KLRD1: variants seen among roughly 807,000 people sequenced by gnomAD.
The protein encoded by KLRD1 is killer cell lectin like receptor D1, also known as natural killer cells antigen CD94.
Under a neutral mutation model 22.6 loss-of-function variants are expected in KLRD1, and 21 were observed. The observed-to-expected ratio is 0.93, with a 90% confidence interval of 0.66 to 1.34. The LOEUF is 1.34. KLRD1 is among the 40% of genes most tolerant of loss of function. KLRD1 has a pLI of 0.00. For missense variants in KLRD1, 183 were observed against 208.6 expected (o/e 0.88, Z 0.76); for synonymous variants, 59 against 71.1 (o/e 0.83, Z 0.85).
chr12:10,253,776 C>T (rs553640039), intron 1 of KLRD1, among the ~76,000 whole-genome samples: 12 of 152,110 alleles, frequency 7.9e-5, no homozygotes, highest in Non-Finnish European at 1.8e-4. Flanking sequence ...GCACAGTATT[C>T]CATGGTGTAT....
At chr12:10,275,098 C>G (rs1317823112) in intron 1 of KLRD1, among the ~76,000 whole-genome samples, 1 of 152,196 alleles carries the variant, frequency 6.6e-6, no homozygotes, top group Non-Finnish European at 1.5e-5. Context: ...CCATGTTGGT[C>G]AGGCTGGTCT....
chr12:10,255,862 G>C (rs1949390616), intron 1 of KLRD1, among the ~76,000 whole-genome samples: 2 of 152,040 alleles, frequency 1.3e-5, no homozygotes, highest in African/African-American at 4.8e-5. Context: ...CCATAGTGTT[G>C]CTCAAGTCCT....
At chr12:10,267,688 A>AG (rs1378120858) in intron 1 of KLRD1, among the ~76,000 whole-genome samples, 1 of 152,220 alleles carries the variant, frequency 6.6e-6, no homozygotes, top group Admixed American at 6.5e-5. Context: ...GAATGAAAGA[A>AG]GAGGAGTCTG....
chr12:10,247,915 A>G (rs1949307393), intron 1 of KLRD1, among the ~76,000 whole-genome samples: 1 of 152,164 alleles, frequency 6.6e-6, no homozygotes, highest in Admixed American at 6.5e-5. Context: ...TCTTTCCTTT[A>G]CAAATTACCC....
At chr12:10,259,108 T>A (rs1420240246) in intron 1 of KLRD1, among the ~76,000 whole-genome samples, 1 of 152,202 alleles carries the variant, frequency 6.6e-6, no homozygotes, top group East Asian at 1.9e-4. Flanking sequence ...TTCTGTAATA[T>A]CCACCCTGAG....
intron 1 of KLRD1, among the ~76,000 whole-genome samples, chr12:10,258,071 C>T (rs1949416361): frequency 1.3e-5 from 2 of 151,682 alleles, no homozygotes; most frequent in Admixed American, 1.3e-4. Flanking sequence ...ACTTAACATT[C>T]TGAGTATTTG....
chr12:10,318,918 C>A lies in KLRD1; in HGVS notation c.*4125C>A, dbSNP rs1950283544. 1 of 147,824 alleles carries A rather than the reference C, an allele frequency of 6.8e-6. No homozygotes were observed. The highest frequency in any genetic ancestry group is 6.7e-5 in the Admixed American group (1 of 14,898). The allele number at this position is 147,824 out of a possible 1,614,324, so 9.2% of individuals were successfully genotyped here. ...CCTTATAATTCATTTCAGTTATCTACACCTGGAAATGTTAGTTCTATAATT... is the reference window on the plus strand; with the variant it reads ...CCTTATAATTCATTTCAGTTATCTAAACCTGGAAATGTTAGTTCTATAATT... On this transcript the variant is annotated 3_prime_UTR_variant, in exon 6 of 6. Transcript: ENST00000336164.
rs921356016 is a variant in KLRD1 at position 10,322,980 on chromosome 12, CAT to C, written c.*8192_*8193del. On this transcript the variant is annotated 3_prime_UTR_variant, in exon 6 of 6. Coordinates refer to ENST00000336164, the MANE Select transcript of KLRD1 (RefSeq NM_002262.5). ...AAGCATTACGTCTGTGAGATACATC[CAT>C]ATATTCGTGCAGCAGTAGCTCCTCA... 2 of 152,194 alleles carry C rather than the reference CAT, an allele frequency of 1.3e-5. No homozygotes were observed. The highest frequency in any genetic ancestry group is 4.8e-5 in the African/African-American group (2 of 41,452). The allele number at this position is 152,194 out of a possible 1,614,324, so 9.4% of individuals were successfully genotyped here.
intron 1 of KLRD1, 46 bp downstream of exon 1, chr12:10,308,130 A>G (rs749145041): frequency 1.2e-5 from 18 of 1,553,368 alleles, no homozygotes; most frequent in South Asian, 3.3e-5. Flanking sequence ...CAGAAAAGCT[A>G]TTTCTTGGAT....
At chr12:10,254,906 TAAA>T (rs1307552652) in intron 1 of KLRD1, among the ~76,000 whole-genome samples, 1 of 128,724 alleles carries the variant, frequency 7.8e-6, no homozygotes, top group South Asian at 2.5e-4. Context: ...ATAAATAAAT[TAAA>T]AAAAAAAAAG....
At position 10,324,344 on chromosome 12, in the gene KLRD1, A is replaced by C. The variant is rs1185602670; in HGVS notation, c.*9551A>C. 6.6e-6 allele frequency: 1 copy of C among 152,056 alleles called. No homozygotes were observed. Among genetic ancestry groups the C allele is most frequent in the Non-Finnish European group, 1.5e-5 (1 of 68,044 alleles). 9.4% of individuals were successfully genotyped at this position (152,056 alleles called of 1,614,324 possible). On this transcript the variant is annotated 3_prime_UTR_variant, in exon 6 of 6. Coordinates refer to ENST00000336164, the MANE Select transcript of KLRD1 (RefSeq NM_002262.5). ...TACAGATAATTTTGTCATCCTGGTA[A>C]TCAGCATAGTACCTGACAGGCAGTT...
chr12:10,255,100 C>T (rs1949383031), intron 1 of KLRD1, among the ~76,000 whole-genome samples: 1 of 132,234 alleles, frequency 7.6e-6, no homozygotes, highest in Non-Finnish European at 1.7e-5. Context: ...ATAATAGATG[C>T]TGGTGAGGAT....
rs1363681437 is a variant in KLRD1, at chr12:10,319,888, CAG to C, written c.*5098_*5099del. 6.8e-5 allele frequency: 6 copies of C among 87,680 alleles called. No homozygotes were observed. Among genetic ancestry groups the C allele is most frequent in the South Asian group, 3.1e-4 (1 of 3,220 alleles). 5.4% of individuals were successfully genotyped at this position (87,680 alleles called of 1,614,324 possible). A position where few individuals can be genotyped will look rare whatever the true frequency, so the allele number is the denominator to read the frequency against. On this transcript the variant is annotated 3_prime_UTR_variant, in exon 6 of 6. Coordinates refer to ENST00000336164, the MANE Select transcript of KLRD1 (RefSeq NM_002262.5). The stretch of plus-strand genomic sequence containing the variant: ...TTCTTTTTTTTTTTTTTTTTTTTGA[CAG>C]AGTCTCACTCTGTCACCTGGGCTGG...
At chr12:10,256,960 G>T (rs1413031839) in intron 1 of KLRD1, among the ~76,000 whole-genome samples, 1 of 151,420 alleles carries the variant, frequency 6.6e-6, no homozygotes, top group Non-Finnish European at 1.5e-5. Context: ...TTTAAGGATG[G>T]TTTTGCCAGA....
At chr12:10,255,254 C>T (rs1162050651) in intron 1 of KLRD1, among the ~76,000 whole-genome samples, 1 of 152,134 alleles carries the variant, frequency 6.6e-6, no homozygotes, top group Non-Finnish European at 1.5e-5. Flanking sequence ...AAAAATTATT[C>T]ATTGTAGCTA....
chr12:10,259,615 C>T (rs1326735499), intron 1 of KLRD1, among the ~76,000 whole-genome samples: 1 of 152,142 alleles, frequency 6.6e-6, no homozygotes, highest in Non-Finnish European at 1.5e-5. Context: ...TTACCTATTT[C>T]ATTGTCTTTT....
intron 1 of KLRD1, among the ~76,000 whole-genome samples, chr12:10,262,545 C>T (rs1438830478): frequency 1.3e-5 from 2 of 152,176 alleles, no homozygotes; most frequent in Non-Finnish European, 2.9e-5. Context: ...TACATATTTA[C>T]ATATATTTAC....
At chr12:10,288,201 C>T (rs942399833) in intron 1 of KLRD1, among the ~76,000 whole-genome samples, 3 of 150,544 alleles carry the variant, frequency 2.0e-5, no homozygotes, top group South Asian at 4.2e-4. Flanking sequence ...CGATATTGCG[C>T]CACTGCACTC....
intron 1 of KLRD1, among the ~76,000 whole-genome samples, chr12:10,269,219 C>T (rs1008730187): frequency 6.6e-6 from 1 of 151,906 alleles, no homozygotes; most frequent in Non-Finnish European, 1.5e-5. Context: ...GGTGTGATTT[C>T]GGCTCACTGC....
Sources: gnomAD v4.1 joint callset for allele counts (sites outside exome capture counted in the v4.1 genomes callset) on GRCh38, gnomAD v4.1.1 for gene constraint, MANE v1.5 for transcripts, NCBI Gene and HGNC (gene_info 2026-07-23, HGNC 2026-07-21) for gene names.